LINGO1: variants seen among roughly 807,000 people sequenced by gnomAD.
LINGO1 encodes leucine rich repeat and Ig domain containing 1.
Under a neutral mutation model 37.3 loss-of-function variants are expected in LINGO1, and 11 were observed. That is an observed-to-expected ratio of 0.29 (90% CI 0.19 to 0.49). The LOEUF is 0.49. Ranked by LOEUF, LINGO1 falls within the 20% of genes least tolerant of loss-of-function variation. The probability of loss-of-function intolerance (pLI) is 0.99; values close to 1 mark genes in which losing one functional copy is unlikely to be tolerated. For missense variants in LINGO1, 585 were observed against 878.2 expected (o/e 0.67, Z 4.22); for synonymous variants, 387 against 403.0 (o/e 0.96, Z 0.48).
intron 1 of LINGO1, among the ~76,000 whole-genome samples, chr15:77,786,503 C>G (rs2076772246): frequency 6.6e-6 from 1 of 152,210 alleles, no homozygotes; most frequent in Admixed American, 6.5e-5. Context: ...GCTATTTGAC[C>G]TTTCAGAGGG....
chr15:77,618,365 T>C (rs1391444677), intron 1 of LINGO1, among the ~76,000 whole-genome samples: 4 of 152,202 alleles, frequency 2.6e-5, no homozygotes, highest in African/African-American at 7.2e-5. Flanking sequence ...CTCCCCACTT[T>C]GTCCTGCACA....
In LINGO1 at chr15:77,776,522, G is replaced by GGAAGGCAGGAAGGCAGGAAGGC. The variant is rs2076651152; in HGVS notation, c.-257+10346_-257+10347insGCCTTCCTGCCTTCCTGCCTTC. ...GCAGGAAGGCAGGAAGGCAGGAAGGGAGGAAGGGAGGGAGGGAGGGAGGGA... is the reference window on the plus strand; with the variant it reads ...GCAGGAAGGCAGGAAGGCAGGAAGGGGAAGGCAGGAAGGCAGGAAGGCAGGAAGGGAGGGAGGGAGGGAGGGA... On this transcript the variant is annotated intron_variant, in intron 1 of 3. Coordinates refer to the LINGO1 transcript ENST00000561686. Among the ~76,000 whole-genome samples, 20 of 52,466 alleles carry GGAAGGCAGGAAGGCAGGAAGGC rather than the reference G, an allele frequency of 3.8e-4. 1 individual carries two copies. The highest frequency in any genetic ancestry group is 4.3e-4 in the African/African-American group (6 of 13,952). The allele number at this position is 52,466 out of a possible 152,430, so 34.4% of individuals were successfully genotyped here. A position where few individuals can be genotyped will look rare whatever the true frequency, so the allele number is the denominator to read the frequency against.
At chr15:77,820,130 C>A (rs1179540374) in intron 1 of LINGO1, 1 of 151,846 alleles carries the variant, frequency 6.6e-6, no homozygotes, top group East Asian at 1.9e-4. Flanking sequence ...CCGGCCCCGC[C>A]GCCCCCTCCG....
chr15:77,662,549 C>G (rs1052755418), intron 3 of LINGO1, among the ~76,000 whole-genome samples: 4 of 152,112 alleles, frequency 2.6e-5, no homozygotes, highest in African/African-American at 9.7e-5. Flanking sequence ...TCTTTAGCAG[C>G]CCCCAGCTCA....
chr15:77,728,937 C>A (rs1267827346), intron 2 of LINGO1, among the ~76,000 whole-genome samples: 1 of 152,270 alleles, frequency 6.6e-6, no homozygotes, highest in Non-Finnish European at 1.5e-5. Flanking sequence ...TCTGGGTCTG[C>A]TGTTGCTGTC....
At chr15:77,635,027 T>C (rs540638975), upstream of LINGO1, among the ~76,000 whole-genome samples, 16 of 152,068 alleles carry the variant, frequency 1.1e-4, no homozygotes, top group African/African-American at 3.9e-4. Context: ...GGCGGAGAAA[T>C]GGGGGAGAGC....
chr15:77,695,742 T>C (rs572637571), intron 1 of LINGO1, among the ~76,000 whole-genome samples: 274 of 152,322 alleles, frequency 1.8e-3, no homozygotes, highest in Non-Finnish European at 2.8e-3. Flanking sequence ...CTGCCCACCA[T>C]GCCGGCCGAT....
intron 1 of LINGO1, among the ~76,000 whole-genome samples, chr15:77,754,879 C>A (rs146963186): frequency 1.3e-5 from 2 of 152,356 alleles, no homozygotes; most frequent in African/African-American, 4.8e-5. Context: ...CAGGCTTCCA[C>A]GAAACTCAAT....
At chr15:77,706,504 C>T (rs1387350696) in intron 2 of LINGO1, among the ~76,000 whole-genome samples, 2 of 152,214 alleles carry the variant, frequency 1.3e-5, no homozygotes, top group African/African-American at 4.8e-5. Flanking sequence ...TGACCCAGCC[C>T]TGACCACCTA....
At chr15:77,652,479 GGA>G (rs1208980018) in intron 3 of LINGO1, among the ~76,000 whole-genome samples, 8 of 80,682 alleles carry the variant, frequency 9.9e-5, no homozygotes, top group South Asian at 1.1e-3. Flanking sequence ...AGCTGGGGAG[GGA>G]GAGTGTGTGT....
intron 1 of LINGO1, among the ~76,000 whole-genome samples, chr15:77,760,022 C>A (rs2076458795): frequency 6.6e-6 from 1 of 152,234 alleles, no homozygotes; most frequent in Admixed American, 6.5e-5. Context: ...GCCCCACTCA[C>A]CGCCTCTCAC....
intron 2 of LINGO1, among the ~76,000 whole-genome samples, chr15:77,732,753 T>C (rs892326273): frequency 6.6e-6 from 1 of 152,320 alleles, no homozygotes; most frequent in Admixed American, 6.5e-5. Flanking sequence ...ACAGATGCCG[T>C]TGTTGTAACT....
At chr15:77,620,256 C>G (rs963118173) in intron 1 of LINGO1, among the ~76,000 whole-genome samples, 5 of 148,760 alleles carry the variant, frequency 3.4e-5, no homozygotes, top group African/African-American at 1.0e-4. Flanking sequence ...CCAATAAATA[C>G]TAAGGAAATA....
chr15:77,697,275 G>A (rs2075709026), upstream of LINGO1, among the ~76,000 whole-genome samples: 1 of 152,218 alleles, frequency 6.6e-6, no homozygotes, highest in Non-Finnish European at 1.5e-5. Flanking sequence ...CAGGGCACAA[G>A]GTGACAAGGT....
At chr15:77,718,089 A>G (rs1010296022) in intron 2 of LINGO1, among the ~76,000 whole-genome samples, 3 of 150,702 alleles carry the variant, frequency 2.0e-5, no homozygotes, top group African/African-American at 7.3e-5. Flanking sequence ...GCCATCCCCC[A>G]TGGGAGCAGG....
chr15:77,758,845 C>A (rs972197737), intron 1 of LINGO1, among the ~76,000 whole-genome samples: 1 of 150,452 alleles, frequency 6.6e-6, no homozygotes, highest in Non-Finnish European at 1.5e-5. Context: ...TCACCATTGT[C>A]GAGGAGGGGG....
At chr15:77,744,797 C>T (rs1241202664) in intron 1 of LINGO1, among the ~76,000 whole-genome samples, 1 of 152,102 alleles carries the variant, frequency 6.6e-6, no homozygotes, top group Non-Finnish European at 1.5e-5. Context: ...GAGGCCTCAC[C>T]CTTAACCACT....
chr15:77,777,700 G>A (rs965589740), intron 1 of LINGO1, among the ~76,000 whole-genome samples: 11 of 152,170 alleles, frequency 7.2e-5, no homozygotes, highest in African/African-American at 2.7e-4. Flanking sequence ...CCCGCGGCAG[G>A]AGGATTCTTA....
chr15:77,700,001 G>A (rs942652719), upstream of LINGO1, among the ~76,000 whole-genome samples: 2 of 152,204 alleles, frequency 1.3e-5, no homozygotes, highest in Admixed American at 1.3e-4. Context: ...GAAGGAGTCA[G>A]CAGAGGCCAA....
Sources: gnomAD v4.1 joint callset for allele counts (sites outside exome capture counted in the v4.1 genomes callset) on GRCh38, gnomAD v4.1.1 for gene constraint, MANE v1.5 for transcripts, NCBI Gene and HGNC (gene_info 2026-07-23, HGNC 2026-07-21) for gene names.